The following TBC1D22A variants were observed in gnomAD, a reference collection of about 807,000 sequenced individuals.
TBC1D22A encodes putative GTPase activator.
A neutral mutation model predicts 60.2 loss-of-function variants in TBC1D22A; 38 were observed. The ratio of observed to expected loss-of-function variants is 0.63; its 90% CI spans 0.49 to 0.83. The LOEUF (loss-of-function observed/expected upper bound fraction) is 0.83. Ranked by LOEUF, TBC1D22A falls within the 40% of genes least tolerant of loss-of-function variation. TBC1D22A has a pLI of 0.00. For synonymous variants in TBC1D22A, 302 were observed against 281.7 expected (o/e 1.07, Z -0.72); for missense variants, 628 against 701.0 (o/e 0.90, Z 1.18).
intron 10 of TBC1D22A, among the ~76,000 whole-genome samples, chr22:47,031,880 A>G (rs1603083413): frequency 1.3e-5 from 2 of 152,236 alleles, no homozygotes; most frequent in Middle Eastern, 6.8e-3. Flanking sequence ...GGAGGGGCTG[A>G]GGGCTTGGTG....
chr22:47,032,185 T>C (rs778258783), intron 10 of TBC1D22A, among the ~76,000 whole-genome samples: 7 of 152,146 alleles, frequency 4.6e-5, no homozygotes, highest in South Asian at 2.1e-4. Flanking sequence ...GACTCTGTGG[T>C]GTGCACCTTC....
chr22:47,149,105 T>A (rs879584086), intron 12 of TBC1D22A, among the ~76,000 whole-genome samples: 5 of 151,924 alleles, frequency 3.3e-5, no homozygotes, highest in Non-Finnish European at 4.4e-5. Context: ...GGCCGCCGAG[T>A]GATTGGTGCC....
intron 10 of TBC1D22A, among the ~76,000 whole-genome samples, chr22:47,023,314 C>T (rs9626930): frequency 0.014 from 2,185 of 152,182 alleles, 58 homozygotes; most frequent in African/African-American, 0.05. Flanking sequence ...GCAATAGAAA[C>T]TATTCAAAAT....
In TBC1D22A at chr22:46,970,830, G is replaced by A. The variant is rs367760487; in HGVS notation, c.1016-3460G>A. On this transcript the variant is annotated intron_variant, in intron 8 of 12. Coordinates refer to ENST00000337137, the MANE Select transcript of TBC1D22A (RefSeq NM_014346.5). ...ACCTGCTGATCTTGCCTGCAGTTCC[G>A]CCTGGGCCATACACCCAGGGACAGG... is the stretch of plus-strand genomic sequence containing the variant. 5.7e-4 allele frequency among the ~76,000 whole-genome samples: 87 copies of A among 152,228 alleles called. No homozygotes were observed. In the East Asian group the frequency reaches 0.01, roughly 18 times the overall value.
chr22:46,922,475 A>G (rs1225337757), intron 8 of TBC1D22A, among the ~76,000 whole-genome samples: 2 of 152,062 alleles, frequency 1.3e-5, no homozygotes, highest in Non-Finnish European at 2.9e-5. Context: ...AATGTCATTT[A>G]TTGGTAGTTT....
intron 10 of TBC1D22A, among the ~76,000 whole-genome samples, chr22:47,007,742 C>G (rs758241439): frequency 1.3e-5 from 2 of 152,106 alleles, no homozygotes; most frequent in Non-Finnish European, 2.9e-5. Flanking sequence ...AGCAGGAGCT[C>G]TCTGCCATCT....
At chr22:46,939,642 C>A (rs1033261447) in intron 8 of TBC1D22A, among the ~76,000 whole-genome samples, 13 of 152,174 alleles carry the variant, frequency 8.5e-5, no homozygotes, top group African/African-American at 9.7e-5. Context: ...AAAGGAAAAT[C>A]TTCTCCCATT....
chr22:47,001,864 G>A (rs971163365), intron 10 of TBC1D22A, among the ~76,000 whole-genome samples: 1 of 152,184 alleles, frequency 6.6e-6, no homozygotes, highest in African/African-American at 2.4e-5. Context: ...TTTGTTTTAT[G>A]TTAGAATAGG....
intron 4 of TBC1D22A, among the ~76,000 whole-genome samples, chr22:46,824,354 A>C (rs2085957875): frequency 6.6e-6 from 1 of 152,152 alleles, no homozygotes; most frequent in Admixed American, 6.5e-5. Flanking sequence ...GGAGATAGCC[A>C]CCTGATGATT....
chr22:46,807,256 T>TGTGATGGTGATTGTGGCGGTGATG (rs147446873), intron 4 of TBC1D22A, among the ~76,000 whole-genome samples: 1 of 151,400 alleles, frequency 6.6e-6, no homozygotes, highest in Non-Finnish European at 1.5e-5. Flanking sequence ...TAGTGTTGAT[T>TGTGATGGTGATTGTGGCGGTGATG]GTGATGGTGA....
intron 7 of TBC1D22A, among the ~76,000 whole-genome samples, chr22:46,907,600 C>A (rs930060118): frequency 6.6e-6 from 1 of 152,174 alleles, no homozygotes; most frequent in Non-Finnish European, 1.5e-5. Flanking sequence ...CCACCGTCCT[C>A]GCCTCCACCA....
At chr22:46,796,734 AGAGGGCGGGAGG>A in intron 3 of TBC1D22A, among the ~76,000 whole-genome samples, 1 of 62,918 alleles carries the variant, frequency 1.6e-5, no homozygotes, top group Non-Finnish European at 2.9e-5. Flanking sequence ...GGGCAGCAGC[AGAGGGCGGGAGG>A]GAGGGCGGGC....
At chr22:47,159,030 A>ACACCATGTATACACACACACC (rs1486647994) in intron 12 of TBC1D22A, among the ~76,000 whole-genome samples, 3 of 149,450 alleles carry the variant, frequency 2.0e-5, no homozygotes, top group Non-Finnish European at 4.4e-5. Context: ...ACACACACAC[A>ACACCATGTATACACACACACC]CACCATGTAT....
intron 12 of TBC1D22A, among the ~76,000 whole-genome samples, chr22:47,141,822 A>G (rs910954664): frequency 6.6e-6 from 1 of 152,252 alleles, no homozygotes; most frequent in Non-Finnish European, 1.5e-5. Flanking sequence ...TATCTTAAAC[A>G]CTACAGTTTT....
intron 4 of TBC1D22A, among the ~76,000 whole-genome samples, chr22:46,798,039 T>C (rs1272731729): frequency 6.6e-6 from 1 of 152,080 alleles, no homozygotes. Flanking sequence ...GCTCACCAGA[T>C]TTTTTAAACA....
At chr22:46,941,141 A>T (rs2072008676) in intron 8 of TBC1D22A, among the ~76,000 whole-genome samples, 3 of 127,576 alleles carry the variant, frequency 2.4e-5, no homozygotes, top group Admixed American at 8.6e-5. Context: ...ACACACACAC[A>T]CACACAGTCC....
chr22:46,860,219 T>C (rs71271452), intron 4 of TBC1D22A, among the ~76,000 whole-genome samples: 1 of 8,696 alleles, frequency 1.1e-4, no homozygotes, highest in Non-Finnish European at 1.9e-4. Context: ...CGCGCAGTGC[T>C]GTGCCCCTTC....
At chr22:47,157,997 C>T (rs1036196395) in intron 12 of TBC1D22A, among the ~76,000 whole-genome samples, 1 of 152,222 alleles carries the variant, frequency 6.6e-6, no homozygotes, top group African/African-American at 2.4e-5. Flanking sequence ...TGCTGCCCGT[C>T]ACCCTCCAGC....
At chr22:47,044,039 G>C (rs1385575362) in intron 11 of TBC1D22A, among the ~76,000 whole-genome samples, 1 of 97,016 alleles carries the variant, frequency 1.0e-5, no homozygotes, top group East Asian at 3.4e-4. Flanking sequence ...CCTCATAGCA[G>C]CCCAGGCAGC....
Sources: allele counts gnomAD v4.1 joint callset (sites outside exome capture counted in the v4.1 genomes callset), GRCh38; gene constraint gnomAD v4.1.1; transcripts MANE v1.5; gene names NCBI Gene and HGNC (gene_info 2026-07-23, HGNC 2026-07-21).